The following XRN1 variants were observed in gnomAD, a reference collection of about 807,000 sequenced individuals.
XRN1 encodes the protein strand-exchange protein 1 homolog.
A neutral mutation model predicts 222.3 loss-of-function variants in XRN1; 67 were observed. That is an observed-to-expected ratio of 0.30 (90% confidence interval 0.25 to 0.37). The LOEUF is 0.37. Among genes scored for constraint, XRN1 ranks in the 10% least tolerant of loss-of-function variants. The pLI is 1.00. For missense variants in XRN1, 1,707 were observed against 2,000.2 expected (o/e 0.85, Z 2.80); for synonymous variants, 643 against 652.4 (o/e 0.99, Z 0.22).
chr3:142,397,537 A>G, intron 19 of XRN1, 77 bp from the exon 20 acceptor site: 2 of 1,223,492 alleles, frequency 1.6e-6, no homozygotes, highest in Non-Finnish European at 2.1e-6. Context: ...GAGTCTTCCA[A>G]ATGAAATATT....
intron 33 of XRN1, among the ~76,000 whole-genome samples, chr3:142,341,836 T>C (rs1053717233): frequency 5.9e-5 from 9 of 152,192 alleles, no homozygotes; most frequent in African/African-American, 1.4e-4. Context: ...GATCATTATA[T>C]AATGATAAAG....
At position 142,310,231 on chromosome 3, in the gene XRN1, CA is replaced by C. The variant is rs1252840148; in HGVS notation, c.*1279del. 6.6e-6 allele frequency: 1 copy of C among 152,448 alleles called. No homozygotes were observed. The highest frequency in any genetic ancestry group is 2.4e-5 in the African/African-American group (1 of 41,410). 9.4% of individuals were successfully genotyped at this position (152,448 alleles called of 1,614,324 possible). A position where few individuals can be genotyped will look rare whatever the true frequency, so the allele number is the denominator to read the frequency against. ...TGAGTTACATGAAAATCAGATATAACAAGCTGCTCCATATAAAGATTGTGGT... is the reference window on the plus strand; with the variant it reads ...TGAGTTACATGAAAATCAGATATAACAGCTGCTCCATATAAAGATTGTGGT... On this transcript the variant is annotated 3_prime_UTR_variant, in exon 41 of 41. Transcript: ENST00000392981.
intron 34 of XRN1, among the ~76,000 whole-genome samples, chr3:142,334,835 GATTA>G (rs1477242101): frequency 1.4e-5 from 2 of 146,706 alleles, no homozygotes; most frequent in African/African-American, 4.9e-5. Flanking sequence ...AACTACAAGT[GATTA>G]ATTTTTTTTT....
At chr3:142,431,884 TTATATATAA>T (rs1437965287) in intron 2 of XRN1, among the ~76,000 whole-genome samples, 1 of 62,908 alleles carries the variant, frequency 1.6e-5, no homozygotes, top group African/African-American at 1.1e-4. Flanking sequence ...ATTATATATA[TTATATATAA>T]TATATATATT....
chr3:142,432,381 A>G (rs981736601), intron 2 of XRN1, among the ~76,000 whole-genome samples: 4 of 150,788 alleles, frequency 2.7e-5, no homozygotes, highest in Non-Finnish European at 4.4e-5. Context: ...AGACTGTACC[A>G]CTGCACTCCA....
intron 33 of XRN1, among the ~76,000 whole-genome samples, chr3:142,345,312 TAACA>T (rs1294836259): frequency 1.3e-5 from 2 of 152,174 alleles, no homozygotes; most frequent in African/African-American, 4.8e-5. Flanking sequence ...GTAGTCTTTT[TAACA>T]AACAATGTTT....
chr3:142,375,533 C>A (rs755698145), intron 25 of XRN1, among the ~76,000 whole-genome samples: 1 of 152,098 alleles, frequency 6.6e-6, no homozygotes, highest in Non-Finnish European at 1.5e-5. Context: ...AGGTAGTGAA[C>A]AATGTATGAT....
At position 142,447,492 on chromosome 3, in the gene XRN1, AC is replaced by A. The variant is rs2070571320; in HGVS notation, c.75+377del. ...CTGCCGCTCTGGGTGGGATGGGGGA[AC>A]CTACGAGGACACCCACTCCAGCTTC... On this transcript the variant is annotated intron_variant, in intron 1 of 40. Coordinates refer to ENST00000392981, the MANE Select transcript of XRN1 (RefSeq NM_001282857.2). This position sits in a 1 kb window ranked among gnomAD's most constrained non-coding sequence, Gnocchi z 4.2. Among the ~76,000 whole-genome samples the A allele has an allele frequency of 6.6e-6, 1 of 152,156 alleles. No individual in the cohort carries two copies. The highest frequency in any genetic ancestry group is 1.5e-5 in the Non-Finnish European group (1 of 68,032).
At chr3:142,367,877 T>C (rs1432133856) in intron 27 of XRN1, among the ~76,000 whole-genome samples, 2 of 151,952 alleles carry the variant, frequency 1.3e-5, no homozygotes, top group Admixed American at 6.6e-5. Flanking sequence ...AAAGTTTAAA[T>C]GATCTTCAGA....
chr3:142,411,158 C>G (rs1272000054), intron 15 of XRN1, among the ~76,000 whole-genome samples: 1 of 152,150 alleles, frequency 6.6e-6, no homozygotes, highest in Non-Finnish European at 1.5e-5. Context: ...TAACCTTTTA[C>G]TATATGAAGG....
At chr3:142,416,968 GC>G (rs2068812268) in intron 13 of XRN1, among the ~76,000 whole-genome samples, 171 bp downstream of exon 13, 2 of 142,376 alleles carry the variant, frequency 1.4e-5, no homozygotes, top group South Asian at 4.5e-4. Context: ...GGCGGAGATT[GC>G]AATGAGCCGA....
intron 25 of XRN1, among the ~76,000 whole-genome samples, chr3:142,372,517 T>C (rs557803975): frequency 6.6e-6 from 1 of 152,314 alleles, no homozygotes; most frequent in Admixed American, 6.5e-5. Context: ...CCTTCAGACT[T>C]GCCATGAATT....
chr3:142,431,615 G>A (rs6768585), intron 2 of XRN1, among the ~76,000 whole-genome samples: 5,591 of 151,038 alleles, frequency 0.037, 360 homozygotes, highest in African/African-American at 0.13. Flanking sequence ...TGAGGAGTTT[G>A]AGATCAGCCT....
chr3:142,365,425 C>A, intron 27 of XRN1, 59 bp from the exon 28 acceptor site: 1 of 1,244,708 alleles, frequency 8.0e-7, no homozygotes, highest in Non-Finnish European at 1.1e-6. Context: ...AAATCACTAC[C>A]TACTCACTAC....
rs764486964 is a variant in XRN1, at chr3:142,307,350, T to C, written c.*4161A>G. 1.3e-5 allele frequency: 2 copies of C among 152,044 alleles called. No individual in the cohort carries two copies. Among genetic ancestry groups the C allele is most frequent in the Non-Finnish European group, 2.9e-5 (2 of 67,992 alleles). 9.4% of individuals were successfully genotyped at this position (152,044 alleles called of 1,614,324 possible). A position where few individuals can be genotyped will look rare whatever the true frequency, so the allele number is the denominator to read the frequency against. On this transcript the variant is annotated 3_prime_UTR_variant, in exon 41 of 41. Coordinates refer to ENST00000392981, the MANE Select transcript of XRN1 (RefSeq NM_001282857.2). ...CAACTGCTGAAACAACCAAGTGCAG[T>C]TGGTGTACGGCTGGAGGGAAAAAAA...
chr3:142,444,383 G>A (rs2070400006), intron 1 of XRN1, among the ~76,000 whole-genome samples: 1 of 152,164 alleles, frequency 6.6e-6, no homozygotes, highest in African/African-American at 2.4e-5. Context: ...TGAGGTGGGC[G>A]GATCACTTGA....
chr3:142,325,793 C>G (rs1280015159), intron 37 of XRN1, among the ~76,000 whole-genome samples: 1 of 152,068 alleles, frequency 6.6e-6, no homozygotes, highest in African/African-American at 2.4e-5. Context: ...AGTTTAATAG[C>G]TACAGATCTA....
chr3:142,424,155 G>A (rs1410496355), intron 5 of XRN1, among the ~76,000 whole-genome samples: 10 of 151,878 alleles, frequency 6.6e-5, no homozygotes, highest in South Asian at 4.2e-4. Flanking sequence ...GAGCAGTGGC[G>A]CGATCTTGGC....
chr3:142,324,430 A>C (rs1015699997), intron 37 of XRN1, among the ~76,000 whole-genome samples: 8 of 151,854 alleles, frequency 5.3e-5, no homozygotes, highest in African/African-American at 1.5e-4. Flanking sequence ...TGAACTCATC[A>C]TTTTTTATGG....
Sources: gnomAD v4.1 joint callset for allele counts (sites outside exome capture counted in the v4.1 genomes callset) on GRCh38, gnomAD v4.1.1 for gene constraint, Gnocchi (gnomAD v3.1) non-coding constraint, MANE v1.5 for transcripts, NCBI Gene and HGNC (gene_info 2026-07-23, HGNC 2026-07-21) for gene names.